Variants in MIPOL1 observed in about 807,000 individuals in gnomAD.
The protein encoded by MIPOL1 is mirror-image polydactyly 1, also known as mirror-image polydactyly gene 1 protein.
A neutral mutation model predicts 60.9 loss-of-function variants in MIPOL1; 57 were observed. The observed-to-expected ratio is 0.94, with a 90% CI of 0.76 to 1.17. The LOEUF (loss-of-function observed/expected upper bound fraction) is 1.17, where lower values mean the gene tolerates loss of function less well. Among genes scored for constraint, MIPOL1 ranks in the 50% most tolerant of loss-of-function variants. The pLI, the probability that MIPOL1 is intolerant of heterozygous loss-of-function variation, is 0.00. For synonymous variants in MIPOL1, 179 were observed against 168.8 expected, an observed-to-expected ratio of 1.06 and a Z score of -0.47; for missense variants, 551 against 511.6, an observed-to-expected ratio of 1.08 and a Z score of -0.74.
intron 9 of MIPOL1, among the ~76,000 whole-genome samples, chr14:37,349,426 G>A (rs1384845389): frequency 6.6e-6 from 1 of 152,054 alleles, no homozygotes; most frequent in African/African-American, 2.4e-5. Flanking sequence ...GAATCTCAAG[G>A]CTCTGCTGTC....
intron 12 of MIPOL1, chr14:37,545,632 AT>A (rs751740509): frequency 1.9e-5 from 12 of 639,948 alleles, no homozygotes; most frequent in Non-Finnish European, 3.1e-5. Flanking sequence ...GCACTGAATA[AT>A]TTTGTTTTAT....
chr14:37,279,986 T>C (rs1363092930), intron 6 of MIPOL1, among the ~76,000 whole-genome samples: 1 of 152,158 alleles, frequency 6.6e-6, no homozygotes, highest in Non-Finnish European at 1.5e-5. Flanking sequence ...TTCTACTCTT[T>C]ACTTATGTGA....
intron 11 of MIPOL1, among the ~76,000 whole-genome samples, chr14:37,454,036 G>T (rs1403279415): frequency 6.6e-6 from 1 of 152,198 alleles, no homozygotes; most frequent in Non-Finnish European, 1.5e-5. Context: ...ATAATCAGAA[G>T]TTTTTCAACA....
intron 7 of MIPOL1, among the ~76,000 whole-genome samples, chr14:37,295,206 G>A (rs965305574): frequency 6.6e-5 from 10 of 152,128 alleles, no homozygotes; most frequent in Admixed American, 4.6e-4. Flanking sequence ...GCCAAACTAG[G>A]CTTCATAAGT....
chr14:37,350,827 G>A (rs1245109993), intron 9 of MIPOL1, among the ~76,000 whole-genome samples: 1 of 152,120 alleles, frequency 6.6e-6, no homozygotes, highest in Non-Finnish European at 1.5e-5. Flanking sequence ...GAGAACATGC[G>A]ATGATCTCTT....
intron 7 of MIPOL1, among the ~76,000 whole-genome samples, chr14:37,304,343 T>A (rs2086601011): frequency 6.6e-6 from 1 of 151,656 alleles, no homozygotes; most frequent in African/African-American, 2.4e-5. Context: ...TTTTTTGGCT[T>A]TTATCAAAAA....
chr14:37,394,067 T>TATATATATACACACAC (rs2093319162), intron 10 of MIPOL1, among the ~76,000 whole-genome samples: 1 of 132,622 alleles, frequency 7.5e-6, no homozygotes, highest in African/African-American at 2.8e-5. Flanking sequence ...CATATATATA[T>TATATATATACACACAC]ATATATATAT....
intron 1 of MIPOL1, among the ~76,000 whole-genome samples, chr14:37,230,441 G>T (rs1298512928): frequency 1.3e-5 from 2 of 152,134 alleles, no homozygotes; most frequent in African/African-American, 4.8e-5. Flanking sequence ...TGCTTGCAGG[G>T]TGTTGCTCCA....
intron 12 of MIPOL1, among the ~76,000 whole-genome samples, chr14:37,542,961 C>G (rs1476942375): frequency 6.6e-6 from 1 of 152,122 alleles, no homozygotes; most frequent in African/African-American, 2.4e-5. Context: ...CTACTGATAC[C>G]ACGAATGTAT....
chr14:37,508,547 T>C (rs993783473), intron 12 of MIPOL1, among the ~76,000 whole-genome samples: 13 of 152,150 alleles, frequency 8.5e-5, no homozygotes, highest in African/African-American at 1.2e-4. Context: ...AGCATAATGG[T>C]TTAAAATCTC....
At chr14:37,296,403 G>A (rs1399046671) in intron 7 of MIPOL1, among the ~76,000 whole-genome samples, 3 of 152,090 alleles carry the variant, frequency 2.0e-5, no homozygotes, top group Non-Finnish European at 4.4e-5. Flanking sequence ...AACTAGAGAA[G>A]CAAGAGCAAA....
chr14:37,546,950 G>C lies in MIPOL1; in HGVS notation c.1308G>C (p.Gly436=). The C allele has an allele frequency of 1.9e-6, 3 of 1,610,450 alleles. No homozygotes were observed. In the South Asian group the frequency reaches 3.3e-5, roughly 18 times the overall value. ...TACTGAGGAAGAAGGTTGGAACCGG[G>C]ACCATGAGGACAGTGATCTGATTGA... ...VDVLRKKVGT[G]TMRTVI Residue 436 remains glycine, a synonymous_variant, in exon 13 of 13, where the codon GGG becomes GGC. Transcript: ENST00000684589.
At chr14:37,270,269 A>G in intron 5 of MIPOL1, 151 bp from the exon 6 acceptor site, 1 of 413,874 alleles carries the variant, frequency 2.4e-6, no homozygotes, top group East Asian at 4.0e-5. Flanking sequence ...TTTATAAATA[A>G]CTTAAATTTT....
At chr14:37,379,970 A>G (rs1349588923) in intron 10 of MIPOL1, among the ~76,000 whole-genome samples, 2 of 152,038 alleles carry the variant, frequency 1.3e-5, no homozygotes, top group East Asian at 1.9e-4. Flanking sequence ...AAAGCCACCT[A>G]ATGACCTTGA....
chr14:37,329,597 G>A lies in MIPOL1; in HGVS notation c.828+21078G>A, dbSNP rs969147063. Reference sequence around the variant, plus strand: ...AAGAAAATTAAGAATGAGCACTTAAGTAATTGACAGCTCTGTTGAGATTAC... The same window carrying A: ...AAGAAAATTAAGAATGAGCACTTAAATAATTGACAGCTCTGTTGAGATTAC... On this transcript the variant is annotated intron_variant, in intron 9 of 12. Coordinates refer to ENST00000684589, the MANE Select transcript of MIPOL1 (RefSeq NM_001388067.1). 9.2e-5 allele frequency among the ~76,000 whole-genome samples: 14 copies of A among 152,220 alleles called. 1 individual carries two copies. In the South Asian group the frequency reaches 1.9e-3, roughly 20 times the overall value.
chr14:37,526,545 ATTT>A (rs760730621), intron 12 of MIPOL1, among the ~76,000 whole-genome samples: 3 of 116,690 alleles, frequency 2.6e-5, no homozygotes, highest in Non-Finnish European at 5.7e-5. Flanking sequence ...AATTTTTTGT[ATTT>A]TTTTTTTTTT....
intron 10 of MIPOL1, among the ~76,000 whole-genome samples, chr14:37,416,223 CAA>C (rs1439804282): frequency 2.0e-5 from 3 of 152,016 alleles, no homozygotes; most frequent in African/African-American, 7.2e-5. Flanking sequence ...ATATTAAAAT[CAA>C]GTCTTTAAAA....
intron 3 of MIPOL1, among the ~76,000 whole-genome samples, chr14:37,258,391 T>G (rs1975317648): frequency 6.6e-6 from 1 of 152,130 alleles, no homozygotes; most frequent in Non-Finnish European, 1.5e-5. Flanking sequence ...TCCAGTTCAC[T>G]CGTGTTTTTA....
chr14:37,534,078 CAAAA>C (rs564604002), intron 12 of MIPOL1, among the ~76,000 whole-genome samples: 6 of 69,432 alleles, frequency 8.6e-5, no homozygotes, highest in East Asian at 3.8e-4. Flanking sequence ...GACTCCATCT[CAAAA>C]AAAAAAAAAA....
Sources: gnomAD v4.1 joint callset for allele counts (sites outside exome capture counted in the v4.1 genomes callset) on GRCh38, gnomAD v4.1.1 for gene constraint, MANE v1.5 for transcripts, NCBI Gene and HGNC (gene_info 2026-07-23, HGNC 2026-07-21) for gene names.